SNTG1: variants seen among roughly 807,000 people sequenced by gnomAD.
SNTG1 encodes gamma-1-syntrophin.
Under a neutral mutation model 74.7 loss-of-function variants are expected in SNTG1, and 39 were observed. The ratio of observed to expected loss-of-function variants is 0.52; its 90% CI spans 0.40 to 0.68. The LOEUF (loss-of-function observed/expected upper bound fraction) is 0.68, where lower values mean the gene tolerates loss of function less well. SNTG1 is among the 30% of genes least tolerant of loss of function. The pLI is 0.00. For missense variants in SNTG1, 685 were observed against 609.5 expected, an observed-to-expected ratio of 1.12 and a Z score of -1.30; for synonymous variants, 254 against 217.1, an observed-to-expected ratio of 1.17 and a Z score of -1.49.
rs530282094 is a variant in SNTG1 at position 50,721,869 on chromosome 8, A to AGAT, written c.1284+12893_1284+12895dup. Among the ~76,000 whole-genome samples, 155 of 152,282 alleles carry AGAT rather than the reference A, an allele frequency of 1.0e-3. 1 individual carries two copies. Among genetic ancestry groups the AGAT allele is most frequent in the Admixed American group, 2.7e-3 (42 of 15,296 alleles). ...GAATGCCCATTTTAATAAATAACAA[A>AGAT]GATGTTGCTTCACTGAAAGAACAGC... On this transcript the variant is annotated intron_variant, in intron 17 of 18. Coordinates refer to ENST00000642720, the MANE Select transcript of SNTG1 (RefSeq NM_018967.5).
At chr8:50,329,008 A>C (rs1008316630) in intron 2 of SNTG1, among the ~76,000 whole-genome samples, 4 of 152,198 alleles carry the variant, frequency 2.6e-5, no homozygotes, top group African/African-American at 9.6e-5. Context: ...TGGCCAAAAC[A>C]AAAGAGCTAT....
intron 1 of SNTG1, among the ~76,000 whole-genome samples, chr8:49,925,776 G>A (rs963161171): frequency 3.3e-5 from 5 of 152,062 alleles, no homozygotes; most frequent in African/African-American, 1.2e-4. Context: ...CATTTTAATT[G>A]CTAAATAGTA....
intron 1 of SNTG1, among the ~76,000 whole-genome samples, chr8:50,031,816 G>C (rs1395251675): frequency 6.6e-6 from 1 of 152,018 alleles, no homozygotes. Context: ...TGGTACAAGA[G>C]TAATACTGGC....
chr8:50,767,022 G>A (rs534689255), intron 18 of SNTG1, among the ~76,000 whole-genome samples: 2 of 152,006 alleles, frequency 1.3e-5, no homozygotes, highest in East Asian at 3.9e-4. Flanking sequence ...TGAAAATGTG[G>A]TTAAATGTGG....
At chr8:50,506,402 G>A (rs978264335) in intron 9 of SNTG1, among the ~76,000 whole-genome samples, 10 of 152,022 alleles carry the variant, frequency 6.6e-5, no homozygotes, top group African/African-American at 2.4e-4. Context: ...GATTTTGATA[G>A]GGATTGCATT....
intron 13 of SNTG1, among the ~76,000 whole-genome samples, chr8:50,608,082 G>T (rs1209738798): frequency 6.6e-6 from 1 of 151,566 alleles, no homozygotes; most frequent in Non-Finnish European, 1.5e-5. Flanking sequence ...TATTTCACGT[G>T]ATTACAAATC....
chr8:50,360,331 C>T (rs1398368794), intron 2 of SNTG1, among the ~76,000 whole-genome samples: 1 of 152,104 alleles, frequency 6.6e-6, no homozygotes, highest in Non-Finnish European at 1.5e-5. Flanking sequence ...TATTGATAAT[C>T]CAGTTCTCTA....
chr8:50,537,232 C>T (rs1435758401), intron 11 of SNTG1, among the ~76,000 whole-genome samples: 3 of 152,106 alleles, frequency 2.0e-5, no homozygotes, highest in Non-Finnish European at 4.4e-5. Context: ...TCAGGTGATC[C>T]TCCCACTTCA....
chr8:50,513,146 C>T (rs939304314), intron 9 of SNTG1, among the ~76,000 whole-genome samples: 1 of 152,172 alleles, frequency 6.6e-6, no homozygotes, highest in Non-Finnish European at 1.5e-5. Flanking sequence ...TCAGAACCCT[C>T]AGCTGCTGGT....
At chr8:50,194,122 TA>T (rs2083677099) in intron 2 of SNTG1, among the ~76,000 whole-genome samples, 1 of 152,166 alleles carries the variant, frequency 6.6e-6, no homozygotes, top group East Asian at 1.9e-4. Context: ...GATATCAATC[TA>T]TAGTTTTCTT....
intron 1 of SNTG1, among the ~76,000 whole-genome samples, chr8:49,966,284 T>G (rs898040019): frequency 6.6e-6 from 1 of 152,142 alleles, no homozygotes; most frequent in African/African-American, 2.4e-5. Context: ...CATTGTAAAT[T>G]TGTTGATTTG....
intron 15 of SNTG1, among the ~76,000 whole-genome samples, chr8:50,672,436 G>T (rs545660564): frequency 1.3e-5 from 2 of 152,220 alleles, no homozygotes; most frequent in East Asian, 1.9e-4. Flanking sequence ...AATGATCAGT[G>T]ATCTTGAGTA....
At chr8:50,252,170 A>C in intron 2 of SNTG1, among the ~76,000 whole-genome samples, 1 of 152,258 alleles carries the variant, frequency 6.6e-6, no homozygotes, top group Non-Finnish European at 1.5e-5. Flanking sequence ...AATGATAATA[A>C]AAACACATCA....
chr8:49,971,248 C>A (rs1224439327), intron 1 of SNTG1, among the ~76,000 whole-genome samples: 2 of 152,158 alleles, frequency 1.3e-5, no homozygotes, highest in African/African-American at 2.4e-5. Context: ...AGCATATAAA[C>A]AGAACCAAGA....
At chr8:50,438,050 T>C (rs2093322455) in intron 4 of SNTG1, among the ~76,000 whole-genome samples, 1 of 152,150 alleles carries the variant, frequency 6.6e-6, no homozygotes, top group Non-Finnish European at 1.5e-5. Flanking sequence ...TCACTTTCAA[T>C]CTAAAACACA....
At chr8:50,057,848 A>T (rs566553080) in intron 1 of SNTG1, among the ~76,000 whole-genome samples, 2 of 152,158 alleles carry the variant, frequency 1.3e-5, no homozygotes, top group African/African-American at 4.8e-5. Context: ...TAATGATCCC[A>T]GGACCCATGA....
intron 3 of SNTG1, among the ~76,000 whole-genome samples, chr8:50,400,021 G>A (rs531803894): frequency 6.6e-6 from 1 of 152,218 alleles, no homozygotes; most frequent in East Asian, 1.9e-4. Flanking sequence ...TATGATAGAG[G>A]GCAAAAGAGT....
chr8:50,044,127 G>A (rs1020707123), intron 1 of SNTG1, among the ~76,000 whole-genome samples: 1 of 152,046 alleles, frequency 6.6e-6, no homozygotes, highest in Admixed American at 6.5e-5. Context: ...TTTCGCCAGG[G>A]GTTAAACTCA....
chr8:50,745,288 A>G (rs1207721510), intron 17 of SNTG1, among the ~76,000 whole-genome samples: 1 of 152,014 alleles, frequency 6.6e-6, no homozygotes, highest in East Asian at 1.9e-4. Context: ...CAAGCACACA[A>G]AAAGATGACC....
Sources: allele counts gnomAD v4.1 joint callset (sites outside exome capture counted in the v4.1 genomes callset), GRCh38; gene constraint gnomAD v4.1.1; transcripts MANE v1.5; gene names NCBI Gene and HGNC (gene_info 2026-07-23, HGNC 2026-07-21).